The following MYO3B variants were observed in gnomAD, a reference collection of about 807,000 sequenced individuals.
MYO3B encodes myosin IIIB.
Under a neutral mutation model 174.6 loss-of-function variants are expected in MYO3B, and 156 were observed. The observed-to-expected ratio is 0.89, with a 90% CI of 0.78 to 1.02. MYO3B has a LOEUF of 1.02. Ranked by LOEUF, MYO3B falls within the 50% of genes least tolerant of loss-of-function variation. The pLI is 0.00. For missense variants in MYO3B, 1,632 were observed against 1,639.4 expected (o/e 1.00, Z 0.08); for synonymous variants, 563 against 569.1 (o/e 0.99, Z 0.15).
At chr2:170,421,606 C>T (rs1558985362) in intron 22 of MYO3B, among the ~76,000 whole-genome samples, 1 of 152,206 alleles carries the variant, frequency 6.6e-6, no homozygotes, top group Non-Finnish European at 1.5e-5. Context: ...GGACCAGAAG[C>T]TTTATCTGTG....
At chr2:170,394,391 G>T (rs2094432596) in intron 16 of MYO3B, among the ~76,000 whole-genome samples, 3 of 152,102 alleles carry the variant, frequency 2.0e-5, no homozygotes, top group Admixed American at 6.5e-5. Context: ...AAACAACGTT[G>T]AAAACTGTTA....
At chr2:170,309,490 C>A (rs1453498169) in intron 7 of MYO3B, among the ~76,000 whole-genome samples, 1 of 152,140 alleles carries the variant, frequency 6.6e-6, no homozygotes, top group Non-Finnish European at 1.5e-5. Flanking sequence ...TTTTTTGCAT[C>A]TTCAGGGATA....
At chr2:170,224,784 C>T (rs1312491421) in intron 6 of MYO3B, among the ~76,000 whole-genome samples, 1 of 152,134 alleles carries the variant, frequency 6.6e-6, no homozygotes, top group East Asian at 1.9e-4. Context: ...ATCAGCTGAG[C>T]AGAGAAACAG....
intron 20 of MYO3B, among the ~76,000 whole-genome samples, chr2:170,405,127 C>T (rs532614997): frequency 2.6e-5 from 4 of 152,296 alleles, no homozygotes; most frequent in African/African-American, 9.6e-5. Flanking sequence ...CAAGCCTTTT[C>T]CCCAGCTGGA....
chr2:170,231,271 C>A (rs910471406), intron 6 of MYO3B, among the ~76,000 whole-genome samples: 36 of 152,302 alleles, frequency 2.4e-4, no homozygotes, highest in South Asian at 6.2e-4. Flanking sequence ...AAGAGAATTG[C>A]CTCAACAATT....
rs554304856 is a variant in MYO3B at position 170,218,305 on chromosome 2, A to G, written c.603+910A>G. ...GAAAAAGAAAAATGCTGCAATTTCC[A>G]GTGTTTACCTAAATCTTAAATATTT... On this transcript the variant is annotated intron_variant, in intron 6 of 34. Transcript: ENST00000408978. 7.9e-5 allele frequency among the ~76,000 whole-genome samples: 12 copies of G among 152,330 alleles called. No individual in the cohort carries two copies. The South Asian group carries it at 2.5e-3, about 32-fold the overall frequency.
At chr2:170,248,410 T>A (rs2093215446) in intron 7 of MYO3B, among the ~76,000 whole-genome samples, 1 of 152,180 alleles carries the variant, frequency 6.6e-6, no homozygotes, top group African/African-American at 2.4e-5. Context: ...TGTGTTAGTT[T>A]TAAGAAACTG....
At chr2:170,567,506 T>C (rs1481569098) in intron 32 of MYO3B, among the ~76,000 whole-genome samples, 1 of 152,238 alleles carries the variant, frequency 6.6e-6, no homozygotes, top group African/African-American at 2.4e-5. Flanking sequence ...AATCACATAA[T>C]GAAATGTTTA....
At chr2:170,634,250 G>C (rs1031604565) in intron 32 of MYO3B, among the ~76,000 whole-genome samples, 1 of 152,170 alleles carries the variant, frequency 6.6e-6, no homozygotes, top group Non-Finnish European at 1.5e-5. Context: ...AAACAGCATG[G>C]TACTGGTACC....
intron 22 of MYO3B, among the ~76,000 whole-genome samples, chr2:170,433,151 C>T (rs1426302710): frequency 2.0e-5 from 3 of 152,122 alleles, no homozygotes; most frequent in Admixed American, 2.0e-4. Context: ...TTTAGATACA[C>T]AAATACTTTC....
intron 32 of MYO3B, among the ~76,000 whole-genome samples, chr2:170,594,657 T>G (rs1238029063): frequency 6.6e-6 from 1 of 152,154 alleles, no homozygotes; most frequent in East Asian, 1.9e-4. Context: ...TCCCACCCAG[T>G]AGCAGATGTG....
chr2:170,559,407 A>G lies in MYO3B; in HGVS notation c.3733+15419A>G, dbSNP rs6707267. 8.9e-3 allele frequency among the ~76,000 whole-genome samples: 1,354 copies of G among 152,280 alleles called. 31 individuals are homozygous for G. Among genetic ancestry groups the G allele is most frequent in the African/African-American group, 0.031 (1,274 of 41,554 alleles). On this transcript the variant is annotated intron_variant, in intron 32 of 34. Transcript: ENST00000408978. Reference sequence around the variant, plus strand: ...TTATATCCAAGTTGTTTGATTATTTATTCATTGGTCAGAATTTAGGGTTTC... The same window carrying G: ...TTATATCCAAGTTGTTTGATTATTTGTTCATTGGTCAGAATTTAGGGTTTC...
chr2:170,605,019 T>C (rs1694728829), intron 32 of MYO3B, among the ~76,000 whole-genome samples: 1 of 152,188 alleles, frequency 6.6e-6, no homozygotes, highest in African/African-American at 2.4e-5. Context: ...CATTTTTTAC[T>C]GTACCTGTTA....
intron 30 of MYO3B, among the ~76,000 whole-genome samples, chr2:170,540,673 A>G (rs1690037173): frequency 6.6e-6 from 1 of 150,452 alleles, no homozygotes; most frequent in African/African-American, 2.5e-5. Flanking sequence ...AACAAAAAAA[A>G]CAAAAAAACA....
chr2:170,607,028 A>G (rs1365091980), intron 32 of MYO3B, among the ~76,000 whole-genome samples: 1 of 152,238 alleles, frequency 6.6e-6, no homozygotes, highest in Non-Finnish European at 1.5e-5. Flanking sequence ...CTCAAAAAAT[A>G]AAATAAAACA....
At chr2:170,335,266 A>C (rs532429488) in intron 7 of MYO3B, 119 bp from the exon 8 acceptor site, 10 of 762,174 alleles carry the variant, frequency 1.3e-5, no homozygotes, top group Non-Finnish European at 2.2e-5. Context: ...AATGACTCTC[A>C]TATGAGAACA....
intron 16 of MYO3B, 102 bp from the exon 17 acceptor site, chr2:170,400,086 A>C: frequency 2.0e-6 from 3 of 1,467,480 alleles, no homozygotes; most frequent in East Asian, 2.3e-5. Context: ...AAAGAGGGAG[A>C]ATGGACTTTG....
At chr2:170,243,112 G>C (rs1259044824) in intron 7 of MYO3B, among the ~76,000 whole-genome samples, 1 of 152,154 alleles carries the variant, frequency 6.6e-6, no homozygotes, top group Non-Finnish European at 1.5e-5. Context: ...GTCCAGCATG[G>C]TTGTTTGTAT....
At chr2:170,252,993 T>G (rs2093269553) in intron 7 of MYO3B, among the ~76,000 whole-genome samples, 1 of 152,146 alleles carries the variant, frequency 6.6e-6, no homozygotes. Flanking sequence ...CCTTATGAGT[T>G]ATTGTAGTGA....
Sources: allele counts gnomAD v4.1 joint callset (sites outside exome capture counted in the v4.1 genomes callset), GRCh38; gene constraint gnomAD v4.1.1; transcripts MANE v1.5; gene names NCBI Gene and HGNC (gene_info 2026-07-23, HGNC 2026-07-21).